The following PLD1 variants were observed in gnomAD, a reference collection of about 807,000 sequenced individuals.
PLD1 encodes choline phosphatase 1.
Under a neutral mutation model 137.1 loss-of-function variants are expected in PLD1, and 112 were observed. The observed-to-expected ratio is 0.82, with a 90% confidence interval of 0.70 to 0.96. The LOEUF (loss-of-function observed/expected upper bound fraction) is 0.96. PLD1 is among the 40% of genes least tolerant of loss of function. PLD1 has a pLI of 0.00. For missense variants in PLD1, 1,321 were observed against 1,342.0 expected, an observed-to-expected ratio of 0.98 and a Z score of 0.24; for synonymous variants, 431 against 454.7, an observed-to-expected ratio of 0.95 and a Z score of 0.66.
chr3:171,605,916 G>A (rs950212078), intron 25 of PLD1, among the ~76,000 whole-genome samples: 4 of 152,236 alleles, frequency 2.6e-5, no homozygotes, highest in African/African-American at 9.6e-5. Flanking sequence ...AGGAAAATTG[G>A]CCTTGTAAGG....
At chr3:171,627,400 C>T (rs962735512) in intron 23 of PLD1, among the ~76,000 whole-genome samples, 45 of 152,262 alleles carry the variant, frequency 3.0e-4, no homozygotes, top group Middle Eastern at 3.4e-3. Context: ...GACTCCCACA[C>T]AATAATAATG....
At chr3:171,702,594 G>T (rs149024245) in intron 11 of PLD1, among the ~76,000 whole-genome samples, 59 of 151,838 alleles carry the variant, frequency 3.9e-4, no homozygotes, top group African/African-American at 1.1e-3. Flanking sequence ...GCCAATATTT[G>T]TGGTAATTTA....
At chr3:171,772,850 G>A (rs1722438992) in intron 1 of PLD1, among the ~76,000 whole-genome samples, 1 of 152,200 alleles carries the variant, frequency 6.6e-6, no homozygotes, top group Non-Finnish European at 1.5e-5. Context: ...TGCAAAAAAA[G>A]TAGATTCAAA....
At chr3:171,766,629 T>G (rs1009494467) in intron 1 of PLD1, among the ~76,000 whole-genome samples, 1 of 152,204 alleles carries the variant, frequency 6.6e-6, no homozygotes, top group Non-Finnish European at 1.5e-5. Flanking sequence ...TACTTTATGT[T>G]TTTATTATTT....
chr3:171,710,401 G>C (rs1261473418), intron 9 of PLD1, among the ~76,000 whole-genome samples: 1 of 152,174 alleles, frequency 6.6e-6, no homozygotes, highest in Non-Finnish European at 1.5e-5. Flanking sequence ...TTCCACGGAT[G>C]ATGGGGAGTA....
At chr3:171,686,249 T>C (rs1022800208) in intron 16 of PLD1, among the ~76,000 whole-genome samples, 1 of 152,232 alleles carries the variant, frequency 6.6e-6, no homozygotes, top group Admixed American at 6.5e-5. Flanking sequence ...TTACACAATT[T>C]GAAAGCAGTT....
intron 12 of PLD1, among the ~76,000 whole-genome samples, chr3:171,693,527 G>A (rs1715403498): frequency 6.6e-6 from 1 of 151,822 alleles, no homozygotes; most frequent in South Asian, 2.1e-4. Context: ...AGGAAACTGT[G>A]GCTTATTCAC....
chr3:171,740,387 A>G (rs1388149082), intron 1 of PLD1, among the ~76,000 whole-genome samples: 2 of 152,208 alleles, frequency 1.3e-5, no homozygotes, highest in Non-Finnish European at 2.9e-5. Flanking sequence ...TTTAAAATAC[A>G]AGGTAATGAA....
chr3:171,659,537 A>G (rs979909862), intron 20 of PLD1, among the ~76,000 whole-genome samples: 1 of 152,244 alleles, frequency 6.6e-6, no homozygotes, highest in African/African-American at 2.4e-5. Flanking sequence ...GTTACACTAT[A>G]TTATTTCACC....
intron 25 of PLD1, 55 bp from the exon 26 acceptor site, chr3:171,605,471 G>C: frequency 1.0e-6 from 1 of 954,640 alleles, no homozygotes; most frequent in Non-Finnish European, 1.7e-6. Context: ...GTTTGTTGCA[G>C]GATATATGTC....
At chr3:171,653,054 C>T (rs1180400008) in intron 21 of PLD1, among the ~76,000 whole-genome samples, 1 of 152,142 alleles carries the variant, frequency 6.6e-6, no homozygotes, top group East Asian at 1.9e-4. Context: ...GTCCTACAGA[C>T]ATGGTTTGAG....
intron 23 of PLD1, among the ~76,000 whole-genome samples, chr3:171,637,221 C>A (rs992831902): frequency 2.0e-5 from 3 of 152,124 alleles, no homozygotes; most frequent in Non-Finnish European, 4.4e-5. Flanking sequence ...GAATATTGAT[C>A]TGATTGATCT....
chr3:171,687,695 A>G lies in PLD1; in HGVS notation c.1540-111T>C, dbSNP rs371258875. 3.5e-4 allele frequency: 242 copies of G among 691,670 alleles called. No homozygotes were observed. The African/African-American group carries it at 4.1e-3, about 12-fold the overall frequency. The allele number at this position is 691,670 out of a possible 1,614,324, so 42.8% of individuals were successfully genotyped here. On this transcript the variant is annotated intron_variant, in intron 14 of 26. Coordinates refer to ENST00000351298, the MANE Select transcript of PLD1 (RefSeq NM_002662.5). ...AGTTTACAAATGATGGAGGTTCTAT[A>G]ACAGACATGCAATAATGTCTGAGGT...
intron 1 of PLD1, chr3:171,788,669 G>C (rs1358362818): frequency 1.3e-5 from 2 of 152,198 alleles, no homozygotes; most frequent in African/African-American, 4.8e-5. Flanking sequence ...GTACTGTCAA[G>C]ATGATGACGA....
At chr3:171,605,504 G>T in intron 25 of PLD1, 88 bp from the exon 26 acceptor site, 2 of 762,954 alleles carry the variant, frequency 2.6e-6, no homozygotes, top group South Asian at 3.0e-5. Flanking sequence ...CTCTATATAT[G>T]CAAATATATA....
rs1441856019 is a variant in PLD1, at chr3:171,601,982, A to C, written c.*1096T>G. On this transcript the variant is annotated 3_prime_UTR_variant, in exon 27 of 27. Coordinates refer to ENST00000351298, the MANE Select transcript of PLD1 (RefSeq NM_002662.5). ...ATGTAAGTGAAGTAGCACATATTTT[A>C]TAATCAATTAATTTTTCTCAAAGAA... The C allele has an allele frequency of 6.6e-6, 1 of 152,210 alleles. No homozygotes were observed. 9.4% of individuals were successfully genotyped at this position (152,210 alleles called of 1,614,324 possible).
intron 25 of PLD1, among the ~76,000 whole-genome samples, chr3:171,611,171 C>T (rs1004129622): frequency 6.6e-6 from 1 of 152,180 alleles, no homozygotes; most frequent in Non-Finnish European, 1.5e-5. Flanking sequence ...ACTATACAGT[C>T]CTCACCAAAA....
At chr3:171,669,024 G>A (rs1156790406) in intron 19 of PLD1, among the ~76,000 whole-genome samples, 1 of 152,066 alleles carries the variant, frequency 6.6e-6, no homozygotes, top group Non-Finnish European at 1.5e-5. Context: ...AGCACTGAGG[G>A]GAAACATCCA....
intron 1 of PLD1, among the ~76,000 whole-genome samples, chr3:171,759,065 T>A (rs1408575463): frequency 6.7e-6 from 1 of 149,544 alleles, no homozygotes; most frequent in Middle Eastern, 3.2e-3. Flanking sequence ...TTGCTTCTTG[T>A]CAAGGCCACT....
Sources: allele counts gnomAD v4.1 joint callset (sites outside exome capture counted in the v4.1 genomes callset), GRCh38; gene constraint gnomAD v4.1.1; transcripts MANE v1.5; gene names NCBI Gene and HGNC (gene_info 2026-07-23, HGNC 2026-07-21).